The following ATP8A2 variants were observed in gnomAD, a reference collection of about 807,000 sequenced individuals.
ATP8A2 encodes the protein ATPase phospholipid transporting 8A2, also known as phospholipid-transporting ATPase IB.
ATP8A2 carries 100 observed loss-of-function variants against 165.6 expected under a neutral mutation model. The observed-to-expected ratio is 0.60, with a 90% CI of 0.51 to 0.71. The LOEUF (loss-of-function observed/expected upper bound fraction) is 0.71, where lower values mean the gene tolerates loss of function less well. Among genes scored for constraint, ATP8A2 ranks in the 30% least tolerant of loss-of-function variants. The probability of loss-of-function intolerance (pLI) is 0.00; values close to 1 mark genes in which losing one functional copy is unlikely to be tolerated. For missense variants in ATP8A2, 1,227 were observed against 1,479.5 expected, an observed-to-expected ratio of 0.83 and a Z score of 2.80; for synonymous variants, 543 against 548.8, an observed-to-expected ratio of 0.99 and a Z score of 0.15.
At chr13:25,831,459 C>T (rs376739784) in intron 28 of ATP8A2, among the ~76,000 whole-genome samples, 92 of 152,234 alleles carry the variant, frequency 6.0e-4, no homozygotes, top group African/African-American at 1.9e-3. Flanking sequence ...GTGTTCCACC[C>T]GCCTTGGCCT....
chr13:26,008,081 A>G (rs1277964321), intron 35 of ATP8A2, among the ~76,000 whole-genome samples: 1 of 152,180 alleles, frequency 6.6e-6, no homozygotes, highest in African/African-American at 2.4e-5. Context: ...ATTAATATAC[A>G]AATTGATGTA....
intron 34 of ATP8A2, 94 bp downstream of exon 34, chr13:25,961,757 C>T (rs1205880885): frequency 1.0e-6 from 1 of 992,268 alleles, no homozygotes; most frequent in Admixed American, 2.3e-5. Flanking sequence ...ATGAGAATGA[C>T]AGGAATTCGG....
At chr13:25,904,562 C>G (rs987335132) in intron 33 of ATP8A2, among the ~76,000 whole-genome samples, 1 of 152,214 alleles carries the variant, frequency 6.6e-6, no homozygotes, top group Non-Finnish European at 1.5e-5. Flanking sequence ...GCCTCGTGCC[C>G]TCCCTTGCCT....
rs541967410 is a variant in ATP8A2, at chr13:25,513,470, C to T, written c.222-16529C>T. On this transcript the variant is annotated intron_variant, in intron 2 of 36. Transcript: ENST00000381655. Reference sequence around the variant, plus strand: ...CCGGGAAGAGGCGCTCCTCACTTCTCAGACTGGGCAGCCAGGCAGAGGGGC... The same window carrying T: ...CCGGGAAGAGGCGCTCCTCACTTCTTAGACTGGGCAGCCAGGCAGAGGGGC... 5.3e-5 allele frequency among the ~76,000 whole-genome samples: 8 copies of T among 151,064 alleles called. No homozygotes were observed. The South Asian group carries it at 1.7e-3, about 32-fold the overall frequency.
rs531280192 is a variant in ATP8A2, at chr13:25,903,062, G to C, written c.3183+40654G>C. ...ACCTGGGAGGCGGAGGTTGCAGTGA[G>C]CCAAGACCATGCCGTTGCACTCTAG... On this transcript the variant is annotated intron_variant, in intron 33 of 36. Coordinates refer to ENST00000381655, the MANE Select transcript of ATP8A2 (RefSeq NM_016529.6). Among the ~76,000 whole-genome samples, 149 of 152,138 alleles carry C rather than the reference G, an allele frequency of 9.8e-4. 1 individual carries two copies. Among genetic ancestry groups the C allele is most frequent in the African/African-American group, 3.5e-3 (147 of 41,482 alleles).
At chr13:25,920,275 T>A (rs1954409176) in intron 33 of ATP8A2, among the ~76,000 whole-genome samples, 1 of 152,176 alleles carries the variant, frequency 6.6e-6, no homozygotes, top group South Asian at 2.1e-4. Context: ...TGTACTCTTC[T>A]GGCTTCCATT....
intron 33 of ATP8A2, among the ~76,000 whole-genome samples, chr13:25,913,569 G>C (rs915429113): frequency 6.6e-6 from 1 of 151,970 alleles, no homozygotes; most frequent in African/African-American, 2.4e-5. Context: ...CAGAGCGTGG[G>C]GTTCATGCCA....
At chr13:25,792,204 A>G (rs909666691) in intron 27 of ATP8A2, among the ~76,000 whole-genome samples, 2 of 152,252 alleles carry the variant, frequency 1.3e-5, no homozygotes, top group African/African-American at 4.8e-5. Context: ...GACTCTGGTT[A>G]TGATCTGTAT....
At chr13:25,606,293 G>C (rs2040514862) in intron 24 of ATP8A2, among the ~76,000 whole-genome samples, 1 of 152,116 alleles carries the variant, frequency 6.6e-6, no homozygotes, top group Non-Finnish European at 1.5e-5. Context: ...AACCATGAAA[G>C]GTAGTAGCTG....
At chr13:25,578,050 T>C (rs1210642617) in intron 20 of ATP8A2, among the ~76,000 whole-genome samples, 1 of 152,180 alleles carries the variant, frequency 6.6e-6, no homozygotes. Context: ...TTTGAAACTT[T>C]TTGTTTATTC....
chr13:25,819,833 CA>C (rs528719527), intron 27 of ATP8A2, among the ~76,000 whole-genome samples: 6 of 151,718 alleles, frequency 4.0e-5, no homozygotes, highest in African/African-American at 1.4e-4. Context: ...GATCAAATTT[CA>C]AAAAAAACCT....
At chr13:25,497,397 A>T (rs1048746630) in intron 2 of ATP8A2, among the ~76,000 whole-genome samples, 1 of 152,202 alleles carries the variant, frequency 6.6e-6, no homozygotes, top group Non-Finnish European at 1.5e-5. Flanking sequence ...ATTAAGGGAA[A>T]TCAAAAGTTT....
intron 28 of ATP8A2, 152 bp from the exon 29 acceptor site, chr13:25,837,011 T>G (rs1024960108): frequency 2.2e-6 from 2 of 896,208 alleles, no homozygotes; most frequent in Admixed American, 2.6e-5. Flanking sequence ...TTTCATTTAT[T>G]TCCTTTGTTT....
intron 27 of ATP8A2, among the ~76,000 whole-genome samples, chr13:25,778,007 G>C (rs1236374817): frequency 3.9e-5 from 6 of 152,166 alleles, no homozygotes; most frequent in Non-Finnish European, 7.3e-5. Flanking sequence ...CCATCATGCT[G>C]TGCAGAGCCT....
intron 30 of ATP8A2, among the ~76,000 whole-genome samples, chr13:25,856,924 T>A (rs1373818045): frequency 6.6e-6 from 1 of 152,262 alleles, no homozygotes; most frequent in Non-Finnish European, 1.5e-5. Flanking sequence ...CTAAGCTGGC[T>A]TTGCATTTAT....
At chr13:25,773,247 G>A (rs773495473) in intron 26 of ATP8A2, among the ~76,000 whole-genome samples, 6 of 152,128 alleles carry the variant, frequency 3.9e-5, no homozygotes, top group Non-Finnish European at 7.4e-5. Context: ...TTTCATGCAA[G>A]GGAACTAAGA....
chr13:25,412,174 C>T (rs903867366), intron 1 of ATP8A2, among the ~76,000 whole-genome samples: 5 of 152,040 alleles, frequency 3.3e-5, no homozygotes, highest in African/African-American at 9.7e-5. Flanking sequence ...TAGGCTGGGT[C>T]GAGCTGCTTG....
At chr13:25,885,757 G>C (rs1953131253) in intron 33 of ATP8A2, among the ~76,000 whole-genome samples, 1 of 152,226 alleles carries the variant, frequency 6.6e-6, no homozygotes, top group African/African-American at 2.4e-5. Context: ...TATTTGTGGA[G>C]CCAGGGCATT....
At chr13:25,971,195 C>G (rs1955904037) in intron 35 of ATP8A2, among the ~76,000 whole-genome samples, 1 of 152,032 alleles carries the variant, frequency 6.6e-6, no homozygotes, top group Non-Finnish European at 1.5e-5. Context: ...TTGTTTTTCT[C>G]ACTCCTAATT....
Sources: gnomAD v4.1 joint callset for allele counts (sites outside exome capture counted in the v4.1 genomes callset) on GRCh38, gnomAD v4.1.1 for gene constraint, MANE v1.5 for transcripts, NCBI Gene and HGNC (gene_info 2026-07-23, HGNC 2026-07-21) for gene names.